ZNF823: variants seen among roughly 807,000 people sequenced by gnomAD.
ZNF823 encodes ZFP 36 for a zinc finger protein.
A neutral mutation model predicts 11.4 loss-of-function variants in ZNF823; 5 were observed. That is an observed-to-expected ratio of 0.44 (90% CI 0.23 to 0.92). The LOEUF (loss-of-function observed/expected upper bound fraction) is 0.92, where lower values mean the gene tolerates loss of function less well. Ranked by LOEUF, ZNF823 falls within the 40% of genes least tolerant of loss-of-function variation. The pLI, the probability that ZNF823 is intolerant of heterozygous loss-of-function variation, is 0.24. For missense variants in ZNF823, 582 were observed against 738.5 expected (o/e 0.79, Z 2.46); for synonymous variants, 234 against 250.5 (o/e 0.93, Z 0.62).
In ZNF823 at chr19:11,722,710, G is replaced by C. The variant is rs199872561; in HGVS notation, c.824C>G (p.Pro275Arg). Residue 275 changes from proline (P) to arginine (R), a missense_variant, in exon 4 of 4, where the codon CCC (proline) becomes CGC (arginine). Physicochemically the swap from Pro to Arg is moderately radical, Grantham distance 103 (BLOSUM62 -2). This residue lies in a region of ZNF823 where 429 missense variants were observed against 553.7 expected (regional missense o/e 0.77). Coordinates refer to ENST00000341191, the MANE Select transcript of ZNF823 (RefSeq NM_001080493.4). This position sits in a 1 kb window ranked among gnomAD's most constrained non-coding sequence, Gnocchi z 5.2. ...RHERTHTGEK[P>R]YKCTQCGKAF... ...TTTCCCACATTGTGTACATTTATAG[G>C]GTTTCTCTCCGGTGTGAGTTCTCTC... 1.2e-6 allele frequency: 2 copies of C among 1,614,184 alleles called. No individual in the cohort carries two copies. Among genetic ancestry groups the C allele is most frequent in the Non-Finnish European group, 1.7e-6 (2 of 1,180,036 alleles).
chr19:11,738,906 G>A lies in ZNF823; in HGVS notation c.-87C>T, dbSNP rs1975046894. On this transcript the variant is annotated 5_prime_UTR_variant, in exon 1 of 4. It adds an upstream start codon to the 5' untranslated region. Coordinates refer to ENST00000341191, the MANE Select transcript of ZNF823 (RefSeq NM_001080493.4). ...GACGCTGATACAGACCTTCCAGGGC[G>A]TCTCTCTCTCAGCGCCAGAGCCAGG... is the stretch of plus-strand genomic sequence containing the variant. The A allele has an allele frequency of 2.0e-6, 3 of 1,512,558 alleles. No individual in the cohort carries two copies. Among genetic ancestry groups the A allele is most frequent in the African/African-American group, 1.4e-5 (1 of 71,276 alleles). The allele number at this position is 1,512,558 out of a possible 1,614,324, so 93.7% of individuals were successfully genotyped here.
At chr19:11,737,018 C>T (rs952733928) in intron 1 of ZNF823, among the ~76,000 whole-genome samples, 1 of 152,174 alleles carries the variant, frequency 6.6e-6, no homozygotes, top group East Asian at 1.9e-4. Context: ...GTCCCACCCC[C>T]CACCTCTGGC....
chr19:11,735,281 C>CAAAAA (rs60923876), intron 1 of ZNF823, among the ~76,000 whole-genome samples: 48 of 99,310 alleles, frequency 4.8e-4, no homozygotes, highest in East Asian at 7.2e-4. Context: ...TTTCAAAAAA[C>CAAAAA]AAAAAAAAAA....
At chr19:11,728,034 G>A (rs989340152) in intron 1 of ZNF823, among the ~76,000 whole-genome samples, 4 of 152,014 alleles carry the variant, frequency 2.6e-5, no homozygotes, top group Non-Finnish European at 5.9e-5. Flanking sequence ...ATGCCACCAC[G>A]ATTAGCTAAT....
chr19:11,731,205 G>C (rs542601118), intron 1 of ZNF823, among the ~76,000 whole-genome samples: 1 of 151,874 alleles, frequency 6.6e-6, no homozygotes, highest in Non-Finnish European at 1.5e-5. Context: ...GCAGCTTCTC[G>C]GGAGGCTGAG....
intron 1 of ZNF823, among the ~76,000 whole-genome samples, chr19:11,728,286 C>A (rs1235664723): frequency 6.6e-6 from 1 of 152,142 alleles, no homozygotes; most frequent in Non-Finnish European, 1.5e-5. Flanking sequence ...CCACCTGGAA[C>A]AACAGATTAC....
intron 1 of ZNF823, among the ~76,000 whole-genome samples, chr19:11,737,126 A>G (rs1259394579): frequency 6.6e-6 from 1 of 152,224 alleles, no homozygotes; most frequent in East Asian, 1.9e-4. Context: ...ACAGTTCTGT[A>G]ACCCAGGACC....
intron 3 of ZNF823, 62 bp from the exon 4 acceptor site, chr19:11,723,404 A>G (rs1974732551): frequency 7.6e-7 from 1 of 1,308,104 alleles, no homozygotes; most frequent in Non-Finnish European, 1.0e-6. Context: ...TATATATTGA[A>G]GTACTAGATT....
chr19:11,732,461 G>A (rs1974916980), intron 1 of ZNF823, among the ~76,000 whole-genome samples: 1 of 151,524 alleles, frequency 6.6e-6, no homozygotes, highest in African/African-American at 2.4e-5. Context: ...CACCGCGCCC[G>A]GCCATTTTTT....
At chr19:11,730,978 CAA>C (rs1974882512) in intron 1 of ZNF823, among the ~76,000 whole-genome samples, 1 of 132,662 alleles carries the variant, frequency 7.5e-6, no homozygotes, top group Admixed American at 8.0e-5. Flanking sequence ...CAGCATGAAT[CAA>C]ACAGACTGAG....
In ZNF823 at chr19:11,722,912, G is replaced by A; in HGVS notation, c.622C>T (p.His208Tyr). ...GKAFVWPSLF[H>Y]LHERTHTGEK... ...CCAGTGTGTGTTCTTTCGTGCAAAT[G>A]AAATAAACTGGGCCAAACAAAGGCT... The change falls in exon 4 of 4, where the codon CAT becomes TAT. Residue 208 changes from histidine (H) to tyrosine (Y), a missense_variant. This residue lies in a region of ZNF823 where 429 missense variants were observed against 553.7 expected (regional missense o/e 0.77). Coordinates refer to ENST00000341191, the MANE Select transcript of ZNF823 (RefSeq NM_001080493.4). This position sits in a 1 kb window ranked among gnomAD's most constrained non-coding sequence, Gnocchi z 5.2. The A allele has an allele frequency of 6.2e-7, 1 of 1,614,168 alleles. No homozygotes were observed. The highest frequency in any genetic ancestry group is 8.5e-7 in the Non-Finnish European group (1 of 1,180,014).
In ZNF823 at chr19:11,723,267, G is replaced by T. The variant is rs1328288084; in HGVS notation, c.267C>A (p.Asn89Lys). The T allele has an allele frequency of 6.2e-7, 1 of 1,613,992 alleles. No homozygotes were observed. The highest frequency in any genetic ancestry group is 8.5e-7 in the Non-Finnish European group (1 of 1,179,906). The change falls in exon 4 of 4, where the codon AAC becomes AAA. Residue 89 changes from asparagine (N) to lysine (K), a missense_variant. Transcript: ENST00000341191. ...TFGQIPDSIV[N>K]KNTPRVNPCD... The stretch of plus-strand genomic sequence containing the variant: ...ATGGATTTACTCGAGGAGTGTTCTT[G>T]TTCACAATACTATCTGGAATCTGGC...
intron 3 of ZNF823, among the ~76,000 whole-genome samples, chr19:11,723,786 C>G (rs1436982066): frequency 1.3e-5 from 2 of 152,204 alleles, no homozygotes; most frequent in African/African-American, 4.8e-5. Context: ...CTCAGGTGAT[C>G]CACCCGCCTT....
At chr19:11,725,438 T>C in intron 1 of ZNF823, 111 bp from the exon 2 acceptor site, 1 of 1,478,622 alleles carries the variant, frequency 6.8e-7, no homozygotes, top group South Asian at 1.2e-5. Context: ...ATTTATTCGA[T>C]GACATAGTAA....
chr19:11,726,307 T>TATATATATATATATATAA (rs1427561609), intron 1 of ZNF823, among the ~76,000 whole-genome samples: 1 of 143,460 alleles, frequency 7.0e-6, no homozygotes, highest in South Asian at 2.2e-4. Flanking sequence ...TATATATATA[T>TATATATATATATATATAA]AAATTTTTTT....
In ZNF823 at chr19:11,723,361, A is replaced by G. The variant is rs754410446; in HGVS notation, c.192-19T>C. The stretch of plus-strand genomic sequence containing the variant: ...ATGACTTCTGTAACAAATAAGAAAT[A>G]TATTACTAAAGGTTTGTTTATAAGT... On this transcript the variant is annotated intron_variant, in intron 3 of 3. Transcript: ENST00000341191. 6 of 1,544,796 alleles carry G rather than the reference A, an allele frequency of 3.9e-6. No individual in the cohort carries two copies. Among genetic ancestry groups the G allele is most frequent in the South Asian group, 1.2e-5 (1 of 83,310 alleles).
In ZNF823 at chr19:11,738,837, T is replaced by G; in HGVS notation, c.-18A>C. On this transcript the variant is annotated 5_prime_UTR_variant, in exon 1 of 4. Coordinates refer to ENST00000341191, the MANE Select transcript of ZNF823 (RefSeq NM_001080493.4). Reference sequence around the variant, plus strand: ...CTCACCATTTCCCAGCTTCCAGGTGTCCGGGTGTCCTCCTTAAAAGCCAGT... The same window carrying G: ...CTCACCATTTCCCAGCTTCCAGGTGGCCGGGTGTCCTCCTTAAAAGCCAGT... 3 of 1,608,590 alleles carry G rather than the reference T, an allele frequency of 1.9e-6. No homozygotes were observed. In the African/African-American group the frequency reaches 4.0e-5, roughly 22 times the overall value.
At chr19:11,731,138 C>A (rs1005071998) in intron 1 of ZNF823, among the ~76,000 whole-genome samples, 1 of 151,282 alleles carries the variant, frequency 6.6e-6, no homozygotes, top group East Asian at 1.9e-4. Flanking sequence ...TATGGAGAAA[C>A]CCTGTCTCTA....
intron 1 of ZNF823, among the ~76,000 whole-genome samples, chr19:11,731,001 TAA>T (rs1299112742): frequency 5.2e-5 from 3 of 58,028 alleles, no homozygotes; most frequent in Non-Finnish European, 3.7e-5. Context: ...GCAAAGAAAC[TAA>T]AAAAAAAAAA....
Sources: allele counts gnomAD v4.1 joint callset (sites outside exome capture counted in the v4.1 genomes callset), GRCh38; gene constraint gnomAD v4.1.1; regional missense constraint gnomAD v4.1.1; non-coding constraint Gnocchi (gnomAD v3.1); transcripts MANE v1.5; gene names NCBI Gene and HGNC (gene_info 2026-07-23, HGNC 2026-07-21).